XIRP2: variants seen among roughly 807,000 people sequenced by gnomAD.
XIRP2 encodes xin actin binding repeat containing 2.
Under a neutral mutation model 277.0 loss-of-function variants are expected in XIRP2, and 236 were observed. That is an observed-to-expected ratio of 0.85 (90% CI 0.77 to 0.95). The LOEUF (loss-of-function observed/expected upper bound fraction) is 0.95, where lower values mean the gene tolerates loss of function less well. Among genes scored for constraint, XIRP2 ranks in the 40% least tolerant of loss-of-function variants. The probability of loss-of-function intolerance (pLI) is 0.00; values close to 1 mark genes in which losing one functional copy is unlikely to be tolerated. For missense variants in XIRP2, 4,640 were observed against 4,157.5 expected, an observed-to-expected ratio of 1.12 and a Z score of -3.19; for synonymous variants, 1,490 against 1,416.5, an observed-to-expected ratio of 1.05 and a Z score of -1.17.
At chr2:166,941,224 G>C (rs1444795933) in intron 2 of XIRP2, among the ~76,000 whole-genome samples, 1 of 152,194 alleles carries the variant, frequency 6.6e-6, no homozygotes, top group African/African-American at 2.4e-5. Context: ...GAGGCTTCAT[G>C]ACTGTGGGAC....
chr2:167,194,360 C>T (rs777020883), intron 3 of XIRP2, among the ~76,000 whole-genome samples: 5 of 152,216 alleles, frequency 3.3e-5, no homozygotes, highest in African/African-American at 4.8e-5. Context: ...GGATTACAGG[C>T]GTGAGCCACC....
chr2:167,239,040 G>A (rs1292560914), intron 5 of XIRP2, among the ~76,000 whole-genome samples: 2 of 152,124 alleles, frequency 1.3e-5, no homozygotes, highest in African/African-American at 2.4e-5. Context: ...TGTGAAGATA[G>A]GGAGACATAA....
At position 166,979,965 on chromosome 2, in the gene XIRP2, T is replaced by A. The variant is rs146849697; in HGVS notation, c.408+76075T>A. ...ATTGAGATTATGTAATCCTAAATTT[T>A]TTTCAAGAAAGACTGGAATTTTCCT... On this transcript the variant is annotated intron_variant, in intron 2 of 10. Coordinates refer to ENST00000409195, the MANE Select transcript of XIRP2 (RefSeq NM_152381.6). 9.2e-3 allele frequency among the ~76,000 whole-genome samples: 1,396 copies of A among 152,270 alleles called. 21 individuals are homozygous for A. The highest frequency in any genetic ancestry group is 0.012 in the Non-Finnish European group (785 of 68,002).
chr2:167,245,705 C>T lies in XIRP2; in HGVS notation c.4313C>T (p.Thr1438Ile), dbSNP rs1380702951. ...ENFDKNNYIR[T>I]VSVNEIQKGN... Reference sequence around the variant, plus strand: ...TTTGATAAGAATAACTATATACGAACAGTAAGTGTCAATGAAATACAAAAG... The same window carrying T: ...TTTGATAAGAATAACTATATACGAATAGTAAGTGTCAATGAAATACAAAAG... The change falls in exon 9 of 11, where the codon ACA (threonine) becomes ATA (isoleucine). Residue 1438 changes from threonine (T) to isoleucine (I), a missense_variant. Transcript: ENST00000409195. 1 of 1,613,446 alleles carries T rather than the reference C, an allele frequency of 6.2e-7. No individual in the cohort carries two copies. Among genetic ancestry groups the T allele is most frequent in the African/African-American group, 1.3e-5 (1 of 74,878 alleles).
At chr2:167,177,059 T>C (rs368718933) in intron 3 of XIRP2, among the ~76,000 whole-genome samples, 1 of 152,308 alleles carries the variant, frequency 6.6e-6, no homozygotes, top group South Asian at 2.1e-4. Context: ...AGACAGTTGG[T>C]GGGCAGGCGT....
rs1163128228 is a variant in XIRP2, at chr2:167,245,466, A to C, written c.4074A>C (p.Pro1358=). 6.2e-7 allele frequency: 1 copy of C among 1,613,512 alleles called. No homozygotes were observed. Among genetic ancestry groups the C allele is most frequent in the Non-Finnish European group, 8.5e-7 (1 of 1,179,738 alleles). Residue 1358 remains proline, a synonymous_variant, in exon 9 of 11, where the codon CCA becomes CCC. Transcript: ENST00000409195. The part of the protein sequence containing the change: ...RGTRWLFETK[P]LDSINKSETV... ...CAAGGTGGCTTTTTGAAACAAAGCC[A>C]TTAGACTCTATTAATAAATCAGAAA...
chr2:167,242,030 A>G (rs1695087779), intron 8 of XIRP2, 120 bp downstream of exon 8: 2 of 1,280,526 alleles, frequency 1.6e-6, no homozygotes, highest in African/African-American at 1.5e-5. Context: ...CTGAACTGGC[A>G]TTTATTCAGT....
intron 1 of XIRP2, among the ~76,000 whole-genome samples, chr2:166,897,989 A>C (rs537768974): frequency 1.3e-5 from 2 of 152,116 alleles, no homozygotes; most frequent in African/African-American, 4.8e-5. Context: ...ACTGCTCCCT[A>C]TGTGACCCTC....
intron 3 of XIRP2, among the ~76,000 whole-genome samples, chr2:167,197,378 C>G (rs1295902844): frequency 6.6e-6 from 1 of 152,102 alleles, no homozygotes; most frequent in Non-Finnish European, 1.5e-5. Context: ...AATATTATTT[C>G]AAGACAAATT....
intron 3 of XIRP2, among the ~76,000 whole-genome samples, chr2:167,166,593 G>A (rs1244978967): frequency 6.6e-6 from 1 of 152,130 alleles, no homozygotes; most frequent in Non-Finnish European, 1.5e-5. Context: ...AGGGCTCAGG[G>A]CACTTACAAT....
Position 167,251,489 on chromosome 2 carries a change from A to C in XIRP2, c.10097A>C (p.Gln3366Pro). Residue 3366 changes from glutamine (Q) to proline (P), a missense_variant, in exon 9 of 11, where the codon CAA becomes CCA. Coordinates refer to ENST00000409195, the MANE Select transcript of XIRP2 (RefSeq NM_152381.6). The part of the protein sequence containing the change: ...AKGETNHNIQ[Q>P]ESRTFCKEEF... The stretch of plus-strand genomic sequence containing the variant: ...GGAGAAACAAACCATAACATACAAC[A>C]AGAAAGTCGTACATTTTGTAAGGAG... 3 of 1,613,584 alleles carry C rather than the reference A, an allele frequency of 1.9e-6. No individual in the cohort carries two copies. Among genetic ancestry groups the C allele is most frequent in the Non-Finnish European group, 2.5e-6 (3 of 1,179,652 alleles).
intron 2 of XIRP2, among the ~76,000 whole-genome samples, chr2:167,034,626 A>G (rs1455458746): frequency 6.6e-6 from 1 of 152,196 alleles, no homozygotes; most frequent in African/African-American, 2.4e-5. Flanking sequence ...AAACCAATAA[A>G]GAGCAGGAGC....
intron 2 of XIRP2, among the ~76,000 whole-genome samples, chr2:167,080,479 A>G (rs1393774439): frequency 6.6e-6 from 1 of 152,152 alleles, no homozygotes; most frequent in Non-Finnish European, 1.5e-5. Context: ...ATGGGATAAC[A>G]TACATAATAA....
At chr2:166,889,477 TCTC>T (rs1444952138) in intron 1 of XIRP2, 1 of 152,084 alleles carries the variant, frequency 6.6e-6, no homozygotes, top group African/African-American at 2.4e-5. Context: ...GTCCCTGGCC[TCTC>T]CTCCTGCAGG....
intron 2 of XIRP2, among the ~76,000 whole-genome samples, chr2:166,941,855 A>G (rs942855159): frequency 6.6e-6 from 1 of 152,192 alleles, no homozygotes; most frequent in Non-Finnish European, 1.5e-5. Context: ...TCTGACAAAT[A>G]TTTTTACATT....
In XIRP2 at chr2:167,245,748, T is replaced by C. The variant is rs1348649694; in HGVS notation, c.4356T>C (p.Ser1452=). ...NEIQKGNVKT[S]TWLFETHTMD... is the part of the protein sequence containing the mutation. ...TACAAAAGGGCAATGTTAAAACATC[T>C]ACTTGGCTATTTGAAACCCACACTA... The change falls in exon 9 of 11, where the codon TCT becomes TCC. Residue 1452 remains serine (S), a synonymous_variant. Transcript: ENST00000409195. The C allele has an allele frequency of 3.1e-6, 5 of 1,613,644 alleles. No individual in the cohort carries two copies.
intron 3 of XIRP2, among the ~76,000 whole-genome samples, chr2:167,162,822 C>A (rs911506441): frequency 1.3e-5 from 2 of 152,310 alleles, no homozygotes; most frequent in South Asian, 4.1e-4. Context: ...CCCAGTCAGT[C>A]ACTCCCAGCC....
At chr2:166,944,189 T>C (rs1685793938) in intron 2 of XIRP2, among the ~76,000 whole-genome samples, 1 of 152,238 alleles carries the variant, frequency 6.6e-6, no homozygotes, top group Non-Finnish European at 1.5e-5. Flanking sequence ...TAGTATTTTT[T>C]CTTCAAATTA....
chr2:166,935,420 T>C (rs1685465693), intron 2 of XIRP2, among the ~76,000 whole-genome samples: 1 of 152,178 alleles, frequency 6.6e-6, no homozygotes, highest in African/African-American at 2.4e-5. Flanking sequence ...GTTTTTGTTT[T>C]TGTTTTTTTA....
Sources: gnomAD v4.1 joint callset for allele counts (sites outside exome capture counted in the v4.1 genomes callset) on GRCh38, gnomAD v4.1.1 for gene constraint, MANE v1.5 for transcripts, NCBI Gene and HGNC (gene_info 2026-07-23, HGNC 2026-07-21) for gene names.